Variants in CNTN1 observed in about 807,000 individuals in gnomAD.
CNTN1 encodes contactin-1.
CNTN1 carries 38 observed loss-of-function variants against 126.4 expected under a neutral mutation model. That is an observed-to-expected ratio of 0.30 (90% CI 0.23 to 0.39). The LOEUF (loss-of-function observed/expected upper bound fraction) is 0.39, where lower values mean the gene tolerates loss of function less well. Ranked by LOEUF, CNTN1 falls within the 10% of genes least tolerant of loss-of-function variation. CNTN1 has a pLI of 1.00. For synonymous variants in CNTN1, 413 were observed against 422.6 expected (o/e 0.98, Z 0.28); for missense variants, 1,009 against 1,248.4 (o/e 0.81, Z 2.89).
intron 20 of CNTN1, among the ~76,000 whole-genome samples, chr12:41,020,884 T>C (rs983638602): frequency 6.6e-6 from 1 of 152,222 alleles, no homozygotes; most frequent in East Asian, 1.9e-4. Flanking sequence ...GAATATGTCT[T>C]ATGTTATCTA....
At chr12:40,992,119 T>C (rs1431251939) in intron 16 of CNTN1, among the ~76,000 whole-genome samples, 1 of 152,114 alleles carries the variant, frequency 6.6e-6, no homozygotes. Flanking sequence ...ATATGTCAAA[T>C]CTACAGAACA....
rs1354306636 is a variant in CNTN1 at position 41,071,547 on chromosome 12, A to C, written c.*1512A>C. 2 of 152,118 alleles carry C rather than the reference A, an allele frequency of 1.3e-5. No individual in the cohort carries two copies. The highest frequency in any genetic ancestry group is 2.9e-5 in the Non-Finnish European group (2 of 67,994). The allele number at this position is 152,118 out of a possible 1,614,324, so 9.4% of individuals were successfully genotyped here. A position where few individuals can be genotyped will look rare whatever the true frequency, so the allele number is the denominator to read the frequency against. On this transcript the variant is annotated 3_prime_UTR_variant, in exon 24 of 24. Transcript: ENST00000551295. The stretch of plus-strand genomic sequence containing the variant: ...GATCTATTACTACTTTACCGACTTT[A>C]CCCCCTTTCTTTAATTTGTATAATT...
At chr12:41,023,959 A>G (rs972820368) in intron 20 of CNTN1, among the ~76,000 whole-genome samples, 5 of 152,106 alleles carry the variant, frequency 3.3e-5, no homozygotes, top group African/African-American at 1.2e-4. Context: ...CAAACGTGCT[A>G]TTTGTCTTGT....
chr12:40,788,132 T>A (rs969857388), intron 1 of CNTN1, among the ~76,000 whole-genome samples: 3 of 152,174 alleles, frequency 2.0e-5, no homozygotes, highest in African/African-American at 7.2e-5. Flanking sequence ...TCTCCTCCCA[T>A]CGTCCAAGAT....
At chr12:40,852,590 A>T (rs1010731496) in intron 1 of CNTN1, among the ~76,000 whole-genome samples, 12 of 152,014 alleles carry the variant, frequency 7.9e-5, no homozygotes, top group African/African-American at 2.9e-4. Flanking sequence ...CCACTACTAA[A>T]ATTAATGTCC....
intron 1 of CNTN1, among the ~76,000 whole-genome samples, chr12:40,803,894 A>G (rs1940746335): frequency 6.6e-6 from 1 of 151,932 alleles, no homozygotes; most frequent in East Asian, 1.9e-4. Context: ...AAGTGCATCC[A>G]CTTTAAAGGC....
intron 23 of CNTN1, among the ~76,000 whole-genome samples, chr12:41,050,191 C>T (rs1170093738): frequency 1.3e-5 from 2 of 152,168 alleles, no homozygotes; most frequent in African/African-American, 4.8e-5. Context: ...AGAGCCACTG[C>T]ACCCAGTCAA....
intron 1 of CNTN1, among the ~76,000 whole-genome samples, chr12:40,860,143 C>T (rs1463211704): frequency 6.6e-6 from 1 of 152,070 alleles, no homozygotes; most frequent in Admixed American, 6.5e-5. Context: ...ATTCAACAGA[C>T]AAAATTCATC....
chr12:40,714,720 A>C (rs993643150), intron 1 of CNTN1, among the ~76,000 whole-genome samples: 1 of 152,108 alleles, frequency 6.6e-6, no homozygotes, highest in Admixed American at 6.6e-5. Context: ...GCTAAAAGTG[A>C]CTATATCATA....
chr12:40,804,344 A>G (rs957383452), intron 1 of CNTN1, among the ~76,000 whole-genome samples: 1 of 152,070 alleles, frequency 6.6e-6, no homozygotes, highest in East Asian at 1.9e-4. Flanking sequence ...GCCACCTGCC[A>G]TTTTACAAAT....
intron 1 of CNTN1, among the ~76,000 whole-genome samples, chr12:40,746,355 T>C (rs542981422): frequency 6.6e-6 from 1 of 152,106 alleles, no homozygotes; most frequent in African/African-American, 2.4e-5. Flanking sequence ...TTATCATATA[T>C]GAATACATTA....
At chr12:40,927,392 G>C (rs1446389217) in intron 6 of CNTN1, among the ~76,000 whole-genome samples, 1 of 152,072 alleles carries the variant, frequency 6.6e-6, no homozygotes, top group South Asian at 2.1e-4. Context: ...GTAAGTCGGA[G>C]AGTCAGCGTG....
At chr12:40,893,401 A>C (rs1188067229) in intron 1 of CNTN1, among the ~76,000 whole-genome samples, 1 of 152,124 alleles carries the variant, frequency 6.6e-6, no homozygotes, top group African/African-American at 2.4e-5. Context: ...AAATTTCTGC[A>C]TTCTTCAACC....
intron 1 of CNTN1, among the ~76,000 whole-genome samples, chr12:40,846,816 C>T (rs1333479281): frequency 1.3e-5 from 2 of 151,854 alleles, no homozygotes; most frequent in African/African-American, 2.4e-5. Context: ...CTCAGGCTCC[C>T]GAGTAGCTGA....
chr12:40,865,857 A>T (rs917242449), intron 1 of CNTN1, among the ~76,000 whole-genome samples: 1 of 152,064 alleles, frequency 6.6e-6, no homozygotes, highest in Non-Finnish European at 1.5e-5. Flanking sequence ...TTTGCAAAAA[A>T]GTCAGGTGAA....
intron 1 of CNTN1, among the ~76,000 whole-genome samples, chr12:40,808,089 G>A (rs1335712892): frequency 6.6e-6 from 1 of 151,970 alleles, no homozygotes; most frequent in African/African-American, 2.4e-5. Context: ...GCATTCCCTG[G>A]GTGTTCTTTT....
At chr12:41,020,765 T>G (rs1948888978) in intron 20 of CNTN1, among the ~76,000 whole-genome samples, 1 of 152,204 alleles carries the variant, frequency 6.6e-6, no homozygotes, top group African/African-American at 2.4e-5. Context: ...TCAAGTTTTT[T>G]GGAAAGCATT....
At chr12:40,759,492 G>T (rs1005429260) in intron 1 of CNTN1, among the ~76,000 whole-genome samples, 1 of 146,490 alleles carries the variant, frequency 6.8e-6, no homozygotes, top group Admixed American at 7.0e-5. Flanking sequence ...TTTAGACAGG[G>T]TCTCACTCTG....
intron 17 of CNTN1, among the ~76,000 whole-genome samples, chr12:40,993,869 A>T (rs991818730): frequency 1.5e-4 from 23 of 152,280 alleles, no homozygotes; most frequent in African/African-American, 4.8e-4. Flanking sequence ...ACTGATAGTG[A>T]GCATATCACT....
Sources: allele counts gnomAD v4.1 joint callset (sites outside exome capture counted in the v4.1 genomes callset), GRCh38; gene constraint gnomAD v4.1.1; transcripts MANE v1.5; gene names NCBI Gene and HGNC (gene_info 2026-07-23, HGNC 2026-07-21).